Variants in DPP10 observed in about 807,000 individuals in gnomAD.
The protein encoded by DPP10 is dipeptidyl peptidase like 10.
DPP10 carries 33 observed loss-of-function variants against 120.9 expected under a neutral mutation model. That is an observed-to-expected ratio of 0.27 (90% CI 0.21 to 0.37). DPP10 has a LOEUF of 0.37. Ranked by LOEUF, DPP10 falls within the 10% of genes least tolerant of loss-of-function variation. DPP10 has a pLI of 1.00. For synonymous variants in DPP10, 337 were observed against 326.1 expected, an observed-to-expected ratio of 1.03 and a Z score of -0.36; for missense variants, 816 against 942.8, an observed-to-expected ratio of 0.87 and a Z score of 1.76.
chr2:114,701,701 A>C (rs1199587513), intron 1 of DPP10, among the ~76,000 whole-genome samples: 3 of 152,128 alleles, frequency 2.0e-5, no homozygotes, highest in African/African-American at 7.2e-5. Flanking sequence ...ACGAGTGCCA[A>C]CTACATCCAA....
At chr2:114,567,977 T>G (rs1181562953) in intron 1 of DPP10, among the ~76,000 whole-genome samples, 1 of 149,298 alleles carries the variant, frequency 6.7e-6, no homozygotes. Context: ...TGCTTACCTA[T>G]GTAACAACCT....
intron 4 of DPP10, among the ~76,000 whole-genome samples, chr2:115,519,333 A>C (rs1271133871): frequency 6.6e-6 from 1 of 152,188 alleles, no homozygotes; most frequent in Non-Finnish European, 1.5e-5. Flanking sequence ...CAATACTCAT[A>C]AAAATTACGT....
chr2:115,630,521 A>G (rs187256631), intron 5 of DPP10, among the ~76,000 whole-genome samples: 44 of 152,230 alleles, frequency 2.9e-4, no homozygotes, highest in Non-Finnish European at 5.7e-4. Flanking sequence ...TTGCCCTTTC[A>G]ATATGATATT....
intron 1 of DPP10, among the ~76,000 whole-genome samples, chr2:115,219,225 C>A (rs1293505025): frequency 6.6e-6 from 1 of 152,062 alleles, no homozygotes; most frequent in Non-Finnish European, 1.5e-5. Flanking sequence ...CCTCTCTATA[C>A]CTGGAGGCTG....
intron 1 of DPP10, among the ~76,000 whole-genome samples, chr2:115,302,420 A>G (rs553204701): frequency 4.7e-4 from 71 of 151,942 alleles, no homozygotes; most frequent in African/African-American, 1.3e-3. Flanking sequence ...ACCCAAGCTT[A>G]GGCAACATAG....
At chr2:115,589,144 A>G (rs1312412271) in intron 5 of DPP10, among the ~76,000 whole-genome samples, 2 of 152,214 alleles carry the variant, frequency 1.3e-5, no homozygotes, top group Non-Finnish European at 2.9e-5. Context: ...CAGTGTTTGT[A>G]CACTTAAGAT....
chr2:115,263,584 A>G (rs76419433), intron 1 of DPP10, among the ~76,000 whole-genome samples: 2,066 of 143,658 alleles, frequency 0.014, 50 homozygotes, highest in African/African-American at 0.05. Context: ...AATATGTGCT[A>G]TTCTGTCTTT....
At chr2:114,644,323 T>C (rs544768513) in intron 1 of DPP10, among the ~76,000 whole-genome samples, 1 of 150,958 alleles carries the variant, frequency 6.6e-6, no homozygotes, top group Non-Finnish European at 1.5e-5. Context: ...CTACCTAATA[T>C]AGTTTCCTCT....
intron 4 of DPP10, among the ~76,000 whole-genome samples, chr2:115,503,021 A>G (rs1434708349): frequency 6.6e-6 from 1 of 152,062 alleles, no homozygotes; most frequent in Admixed American, 6.6e-5. Flanking sequence ...TATATATCTT[A>G]TGCATTAATA....
chr2:115,087,509 CT>C (rs1459773523), intron 1 of DPP10, among the ~76,000 whole-genome samples: 1 of 126,578 alleles, frequency 7.9e-6, no homozygotes, highest in Non-Finnish European at 1.8e-5. Context: ...CTATGTCTTT[CT>C]TTTTCTTTCT....
intron 1 of DPP10, among the ~76,000 whole-genome samples, chr2:114,491,707 T>C (rs1341396234): frequency 6.6e-6 from 1 of 152,218 alleles, no homozygotes; most frequent in Non-Finnish European, 1.5e-5. Flanking sequence ...AGCATAAAAA[T>C]ACATGCTCTC....
In DPP10 at chr2:114,619,099, C is replaced by T. The variant is rs918840357; in HGVS notation, c.60+176261C>T. The stretch of plus-strand genomic sequence containing the variant: ...TTTATTTCTTGTCCGCAAAACTGGC[C>T]GAATGATTTATATATTGTAGTTAGG... On this transcript the variant is annotated intron_variant, in intron 1 of 25. Coordinates refer to ENST00000410059, the MANE Select transcript of DPP10 (RefSeq NM_020868.6). Among the ~76,000 whole-genome samples the T allele has an allele frequency of 7.9e-5, 12 of 151,792 alleles. No individual in the cohort carries two copies. In the East Asian group the frequency reaches 1.2e-3, roughly 15 times the overall value.
Position 115,277,210 on chromosome 2 carries a change from C to T in DPP10, c.61-32029C>T, listed in dbSNP as rs186985893. On this transcript the variant is annotated intron_variant, in intron 1 of 25. Transcript: ENST00000410059. ...GCACTGTAAACTGAAATAAGCAATG[C>T]ATTCTCAGTTCCCTCCCAAAAGAAA... Among the ~76,000 whole-genome samples, 32 of 152,270 alleles carry T rather than the reference C, an allele frequency of 2.1e-4. No homozygotes were observed. The East Asian group carries it at 6.2e-3, about 29-fold the overall frequency.
intron 3 of DPP10, among the ~76,000 whole-genome samples, chr2:115,397,926 A>G (rs1012065626): frequency 6.6e-6 from 1 of 152,160 alleles, no homozygotes; most frequent in African/African-American, 2.4e-5. Flanking sequence ...TGAATCCCAA[A>G]TGTGTACCCT....
intron 1 of DPP10, among the ~76,000 whole-genome samples, chr2:115,202,661 C>T (rs1263428345): frequency 6.6e-6 from 1 of 152,120 alleles, no homozygotes; most frequent in African/African-American, 2.4e-5. Flanking sequence ...TTTTTGAATT[C>T]TAGAGCAGCA....
chr2:114,968,411 T>C (rs1014153296), intron 1 of DPP10, among the ~76,000 whole-genome samples: 2 of 152,232 alleles, frequency 1.3e-5, no homozygotes, highest in African/African-American at 4.8e-5. Flanking sequence ...TTTTTACATG[T>C]ATTGCCCTCC....
At chr2:115,166,862 A>G (rs1248874592) in intron 1 of DPP10, among the ~76,000 whole-genome samples, 3 of 152,192 alleles carry the variant, frequency 2.0e-5, no homozygotes, top group Non-Finnish European at 2.9e-5. Flanking sequence ...TGAATTATTT[A>G]TGATTACAGA....
intron 2 of DPP10, among the ~76,000 whole-genome samples, chr2:115,339,507 AT>A (rs1248048038): frequency 1.3e-5 from 2 of 152,190 alleles, no homozygotes; most frequent in East Asian, 1.9e-4. Context: ...CTATAAAAAA[AT>A]GTTTATAGTA....
At chr2:115,149,182 T>G (rs2051395751) in intron 1 of DPP10, among the ~76,000 whole-genome samples, 1 of 152,318 alleles carries the variant, frequency 6.6e-6, no homozygotes, top group East Asian at 1.9e-4. Context: ...TTTATATTGT[T>G]TGCAACACTA....
Sources: allele counts gnomAD v4.1 joint callset (sites outside exome capture counted in the v4.1 genomes callset), GRCh38; gene constraint gnomAD v4.1.1; transcripts MANE v1.5; gene names NCBI Gene and HGNC (gene_info 2026-07-23, HGNC 2026-07-21).